The following ZNF76 variants were observed in gnomAD, a reference collection of about 807,000 sequenced individuals.
ZNF76 encodes zinc finger protein 76.
Under a neutral mutation model 66.9 loss-of-function variants are expected in ZNF76, and 66 were observed. That is an observed-to-expected ratio of 0.99 (90% CI 0.81 to 1.21). The LOEUF is 1.21. Among genes scored for constraint, ZNF76 ranks in the 50% most tolerant of loss-of-function variants. The pLI is 0.00. For synonymous variants in ZNF76, 275 were observed against 296.1 expected (o/e 0.93, Z 0.73); for missense variants, 729 against 760.3 (o/e 0.96, Z 0.48).
intron 1 of ZNF76, among the ~76,000 whole-genome samples, chr6:35,280,105 A>G (rs2150359068): frequency 6.6e-6 from 1 of 152,106 alleles, no homozygotes; most frequent in Admixed American, 6.5e-5. Context: ...CACTGGGATT[A>G]CAGGCATGAG....
intron 5 of ZNF76, among the ~76,000 whole-genome samples, chr6:35,288,755 G>A (rs1293093490): frequency 6.6e-6 from 1 of 152,134 alleles, no homozygotes; most frequent in Admixed American, 6.5e-5. Flanking sequence ...CCAGGAGTTT[G>A]AGACCAGTCT....
At chr6:35,261,119 C>T (rs1429889927) in intron 1 of ZNF76, among the ~76,000 whole-genome samples, 1 of 152,212 alleles carries the variant, frequency 6.6e-6, no homozygotes, top group African/African-American at 2.4e-5. Flanking sequence ...TCAGTCTCCA[C>T]CTCTGCGAAG....
At chr6:35,262,087 G>T (rs1314972292) in intron 1 of ZNF76, among the ~76,000 whole-genome samples, 10 of 152,074 alleles carry the variant, frequency 6.6e-5, no homozygotes, top group African/African-American at 2.4e-4. Flanking sequence ...TTTTATACTA[G>T]ATCTGATGAA....
chr6:35,278,862 T>C (rs1457266229), intron 1 of ZNF76, among the ~76,000 whole-genome samples: 1 of 152,272 alleles, frequency 6.6e-6, no homozygotes, highest in Admixed American at 6.5e-5. Flanking sequence ...ACAGGATGTG[T>C]GGAGAGCCCA....
intron 1 of ZNF76, among the ~76,000 whole-genome samples, chr6:35,276,454 C>G (rs1787903410): frequency 6.6e-6 from 1 of 152,186 alleles, no homozygotes; most frequent in African/African-American, 2.4e-5. Flanking sequence ...GCATATGTGC[C>G]CTCATTTAAT....
At position 35,295,524 on chromosome 6, in the gene ZNF76, C is replaced by T. The variant is rs1411885834; in HGVS notation, c.*276C>T. On this transcript the variant is annotated 3_prime_UTR_variant, in exon 14 of 14. Transcript: ENST00000373953. ...CGCCTCTCAAAATCAGCTGGGCGCC[C>T]ACTCTCCTCCTAAAGAACACCCTTC... The T allele has an allele frequency of 4.4e-6, 2 of 451,078 alleles. No individual in the cohort carries two copies. Among genetic ancestry groups the T allele is most frequent in the Non-Finnish European group, 8.3e-6 (2 of 241,018 alleles). The allele number at this position is 451,078 out of a possible 1,614,324, so 27.9% of individuals were successfully genotyped here.
At chr6:35,282,467 A>C (rs1158647622) in intron 2 of ZNF76, among the ~76,000 whole-genome samples, 1 of 152,160 alleles carries the variant, frequency 6.6e-6, no homozygotes, top group Non-Finnish European at 1.5e-5. Context: ...CTTAAAATCA[A>C]GGTAGGTGTG....
At position 35,295,528 on chromosome 6, in the gene ZNF76, C is replaced by G. The variant is rs2150382118; in HGVS notation, c.*280C>G. On this transcript the variant is annotated 3_prime_UTR_variant, in exon 14 of 14. Transcript: ENST00000373953. ...TCTCAAAATCAGCTGGGCGCCCACTCTCCTCCTAAAGAACACCCTTCTGGC... is the reference window on the plus strand; with the variant it reads ...TCTCAAAATCAGCTGGGCGCCCACTGTCCTCCTAAAGAACACCCTTCTGGC... 1 of 445,472 alleles carries G rather than the reference C, an allele frequency of 2.2e-6. No individual in the cohort carries two copies. 27.6% of individuals were successfully genotyped at this position (445,472 alleles called of 1,614,324 possible). A position where few individuals can be genotyped will look rare whatever the true frequency, so the allele number is the denominator to read the frequency against.
intron 1 of ZNF76, among the ~76,000 whole-genome samples, chr6:35,276,221 G>A (rs6901580): frequency 0.088 from 13,471 of 152,256 alleles, 1,410 homozygotes; most frequent in African/African-American, 0.25. Context: ...AGCATGAGCA[G>A]TAGAAAGGAT....
rs1786487378 is a variant in ZNF76, at chr6:35,268,479, G to A, written c.-97+8638G>A. 1.3e-5 allele frequency among the ~76,000 whole-genome samples: 2 copies of A among 152,000 alleles called. 1 individual carries two copies. Among genetic ancestry groups the A allele is most frequent in the Non-Finnish European group, 2.9e-5 (2 of 68,000 alleles). On this transcript the variant is annotated intron_variant, in intron 1 of 13. Transcript: ENST00000373953. ...TGGAATGGGGAAATTTTGTCCTGGAGAGTGAAAAAAGAAAAAACAAACAAA... is the reference window on the plus strand; with the variant it reads ...TGGAATGGGGAAATTTTGTCCTGGAAAGTGAAAAAAGAAAAAACAAACAAA...
In ZNF76 at chr6:35,287,065, G is replaced by T. The variant is rs1221849167; in HGVS notation, c.233-581G>T. Among the ~76,000 whole-genome samples, 1 of 152,264 alleles carries T rather than the reference G, an allele frequency of 6.6e-6. No homozygotes were observed. The highest frequency in any genetic ancestry group is 1.5e-5 in the Non-Finnish European group (1 of 68,006). On this transcript the variant is annotated intron_variant, in intron 4 of 13. Coordinates refer to ENST00000373953, the MANE Select transcript of ZNF76 (RefSeq NM_003427.5). The surrounding 1 kb of genome is among the most constrained non-coding windows in gnomAD (Gnocchi z 4.0). The stretch of plus-strand genomic sequence containing the variant: ...TTCAGTACTTCAGGCAGAAGGAATA[G>T]CATGTGCAGGCCTAGAGCTGGGGGG...
At chr6:35,270,181 A>G (rs1431120077) in intron 1 of ZNF76, among the ~76,000 whole-genome samples, 1 of 152,088 alleles carries the variant, frequency 6.6e-6, no homozygotes, top group Non-Finnish European at 1.5e-5. Context: ...CTGTCGCCCA[A>G]GCTGGAATGC....
In ZNF76 at chr6:35,281,139, G is replaced by A; in HGVS notation, c.-13G>A. 6.2e-7 allele frequency: 1 copy of A among 1,613,942 alleles called. No individual in the cohort carries two copies. The highest frequency in any genetic ancestry group is 8.5e-7 in the Non-Finnish European group (1 of 1,179,940). Reference sequence around the variant, plus strand: ...GCCAACTTCATGTCTGAGTGCACGAGCAGCAGTTTGCCATGGAGAGCTTGG... The same window carrying A: ...GCCAACTTCATGTCTGAGTGCACGAACAGCAGTTTGCCATGGAGAGCTTGG... On this transcript the variant is annotated 5_prime_UTR_variant, in exon 2 of 14. Coordinates refer to ENST00000373953, the MANE Select transcript of ZNF76 (RefSeq NM_003427.5).
At chr6:35,279,067 C>CT (rs1344806771) in intron 1 of ZNF76, 5 of 152,300 alleles carry the variant, frequency 3.3e-5, no homozygotes, top group South Asian at 2.1e-4. Flanking sequence ...AAGGTGGACT[C>CT]TAAGAGCTGT....
At chr6:35,294,335 A>C in intron 12 of ZNF76, 121 bp from the exon 13 acceptor site, 1 of 705,106 alleles carries the variant, frequency 1.4e-6, no homozygotes, top group Non-Finnish European at 2.5e-6. Flanking sequence ...TCTGACCCAT[A>C]CGGTTTTATC....
chr6:35,290,138 T>C lies in ZNF76; in HGVS notation c.433-128T>C, dbSNP rs1040309088. 1.2e-5 allele frequency: 15 copies of C among 1,244,352 alleles called. No homozygotes were observed. The African/African-American group carries it at 2.0e-4, about 16-fold the overall frequency. The allele number at this position is 1,244,352 out of a possible 1,614,324, so 77.1% of individuals were successfully genotyped here. On this transcript the variant is annotated intron_variant, in intron 5 of 13. Transcript: ENST00000373953. ...CTGTTCCTTGTCCGTCTAGTTATGT[T>C]CTTCTGCCCCAGAGGCCCCTGACAG...
intron 1 of ZNF76, among the ~76,000 whole-genome samples, chr6:35,275,459 T>C (rs1230017539): frequency 1.3e-5 from 2 of 152,158 alleles, no homozygotes; most frequent in African/African-American, 4.8e-5. Context: ...AACAAGCCTT[T>C]CTTTGGCTCT....
chr6:35,266,139 A>C (rs1786018656), intron 1 of ZNF76, among the ~76,000 whole-genome samples: 1 of 148,198 alleles, frequency 6.7e-6, no homozygotes, highest in South Asian at 2.2e-4. Context: ...TAAAAGAAAT[A>C]GCAGTTGAGG....
In ZNF76 at chr6:35,292,718, A is replaced by G. The variant is rs776404157; in HGVS notation, c.1096A>G (p.Ser366Gly). The change falls in exon 10 of 14, where the codon AGT becomes GGT. Residue 366 changes from serine to glycine, a missense_variant. Ser to Gly is a moderately conservative substitution (Grantham distance 56, BLOSUM62 0). Coordinates refer to ENST00000373953, the MANE Select transcript of ZNF76 (RefSeq NM_003427.5). This position sits in a 1 kb window ranked among gnomAD's most constrained non-coding sequence, Gnocchi z 4.7. ...QTSTLAMHKR[S>G]AHGELEATEE... ...CTCCACCTTGGCCATGCACAAGCGC[A>G]GTGCCCACGGCGAGCTGGAGGCCAC... is the stretch of plus-strand genomic sequence containing the variant. 1.9e-6 allele frequency: 3 copies of G among 1,614,184 alleles called. No homozygotes were observed. The highest frequency in any genetic ancestry group is 1.7e-5 in the Admixed American group (1 of 60,030).
Sources: gnomAD v4.1 joint callset for allele counts (sites outside exome capture counted in the v4.1 genomes callset) on GRCh38, gnomAD v4.1.1 for gene constraint, Gnocchi (gnomAD v3.1) non-coding constraint, MANE v1.5 for transcripts, NCBI Gene and HGNC (gene_info 2026-07-23, HGNC 2026-07-21) for gene names.